DRC8: variants seen among roughly 807,000 people sequenced by gnomAD.
DRC8 encodes dynein regulatory complex protein 8.
At chr1:244,998,365 C>T in the DRC8 span, among the ~76,000 whole-genome samples, 1 of 152,100 alleles carries the variant, frequency 6.6e-6, no homozygotes, top group African/African-American at 2.4e-5. Context: ...TGCACCACTG[C>T]ATTTGGCTAA....
chr1:245,056,015 T>C, the DRC8 span, among the ~76,000 whole-genome samples: 1 of 152,218 alleles, frequency 6.6e-6, no homozygotes, highest in Non-Finnish European at 1.5e-5. Context: ...GCCGTCCTCC[T>C]GCCCCAGCCT....
the DRC8 span, chr1:245,087,707 T>A: frequency 2.0e-6 from 2 of 1,017,788 alleles, no homozygotes; most frequent in Non-Finnish European, 2.3e-6. Flanking sequence ...CATGTAAAGA[T>A]CTTAAGAGGG....
chr1:244,997,807 A>G, the DRC8 span, among the ~76,000 whole-genome samples: 1 of 151,998 alleles, frequency 6.6e-6, no homozygotes, highest in East Asian at 1.9e-4. Context: ...GGCCTCCCAA[A>G]GTGCTGGGGT....
At chr1:244,985,359 T>C in the DRC8 span, among the ~76,000 whole-genome samples, 1 of 152,228 alleles carries the variant, frequency 6.6e-6, no homozygotes, top group South Asian at 2.1e-4. Context: ...GGTGTTCTAA[T>C]TTCTTCACAT....
the DRC8 span, among the ~76,000 whole-genome samples, chr1:245,102,900 ATGAGAGGTGG>A: frequency 0.045 from 6,777 of 151,194 alleles, 24 homozygotes; most frequent in Middle Eastern, 0.062. Flanking sequence ...GCTGACGAGG[ATGAGAGGTGG>A]TCCTCTATGG....
the DRC8 span, chr1:245,017,274 A>T: frequency 1.9e-6 from 3 of 1,610,354 alleles, no homozygotes; most frequent in Non-Finnish European, 2.5e-6. Context: ...CAAAAAAATC[A>T]AAGAGGCATT....
the DRC8 span, among the ~76,000 whole-genome samples, chr1:245,018,103 T>G: frequency 6.6e-6 from 1 of 151,864 alleles, no homozygotes; most frequent in Non-Finnish European, 1.5e-5. Flanking sequence ...GGCAGGCACC[T>G]GTAATCCCAG....
chr1:244,976,848 A>G, the DRC8 span, among the ~76,000 whole-genome samples: 1 of 152,254 alleles, frequency 6.6e-6, no homozygotes, highest in Admixed American at 6.5e-5. Context: ...AACCATGTTC[A>G]TAGCACATTG....
chr1:245,071,881 C>A, the DRC8 span, among the ~76,000 whole-genome samples: 1 of 152,192 alleles, frequency 6.6e-6, no homozygotes, highest in Admixed American at 6.5e-5. Context: ...GCAGTCATTA[C>A]AAGTATGTCG....
At chr1:245,016,809 A>G in the DRC8 span, among the ~76,000 whole-genome samples, 3 of 152,188 alleles carry the variant, frequency 2.0e-5, no homozygotes, top group African/African-American at 7.2e-5. Context: ...GCAAAGAATA[A>G]GGCAAGGTAG....
the DRC8 span, among the ~76,000 whole-genome samples, chr1:245,041,752 A>G: frequency 1.1e-4 from 16 of 152,290 alleles, no homozygotes; most frequent in East Asian, 2.1e-3. Context: ...CCCTAATCCA[A>G]TCTGACTTGT....
chr1:244,983,366 A>G, the DRC8 span, among the ~76,000 whole-genome samples: 16 of 152,280 alleles, frequency 1.1e-4, no homozygotes, highest in East Asian at 2.7e-3. Flanking sequence ...TTTTCATGTC[A>G]CAAGTATTTC....
the DRC8 span, among the ~76,000 whole-genome samples, chr1:245,081,514 A>G: frequency 2.1e-5 from 3 of 145,536 alleles, no homozygotes; most frequent in Non-Finnish European, 3.0e-5. Flanking sequence ...TGTTGCCCAT[A>G]CTGGAGTACA....
At chr1:245,101,402 G>T in the DRC8 span, among the ~76,000 whole-genome samples, 1 of 152,162 alleles carries the variant, frequency 6.6e-6, no homozygotes, top group Non-Finnish European at 1.5e-5. Context: ...AGCAAATTCA[G>T]GTTTGATTTG....
the DRC8 span, among the ~76,000 whole-genome samples, chr1:245,118,795 A>AAAAAGAAAAGAAAAGAAAAAAG: frequency 7.2e-6 from 1 of 138,484 alleles, no homozygotes; most frequent in Admixed American, 7.9e-5. Flanking sequence ...GCCATCTCAA[A>AAAAAGAAAAGAAAAGAAAAAAG]AAAAGAAAAG....
At chr1:245,008,329 G>A in the DRC8 span, among the ~76,000 whole-genome samples, 22 of 152,030 alleles carry the variant, frequency 1.4e-4, 1 homozygote, top group Non-Finnish European at 3.1e-4. Context: ...ATTTCATTAT[G>A]TAAAAAAATT....
chr1:245,074,948 T>A, the DRC8 span, among the ~76,000 whole-genome samples: 1 of 152,154 alleles, frequency 6.6e-6, no homozygotes, highest in Non-Finnish European at 1.5e-5. Context: ...CAAACAGTTT[T>A]TAAACATTCA....
chr1:244,992,159 C>G, the DRC8 span, among the ~76,000 whole-genome samples: 8 of 152,180 alleles, frequency 5.3e-5, no homozygotes, highest in Non-Finnish European at 1.2e-4. Context: ...TTTGAAAAAG[C>G]TGTTTACAGT....
chr1:245,046,654 T>C, the DRC8 span, among the ~76,000 whole-genome samples: 141,479 of 152,224 alleles, frequency 0.93, 66,441 homozygotes, highest in Non-Finnish European at 1. Context: ...AGAGAAGCTC[T>C]GAGTCGTTTT....
Sources: allele counts gnomAD v4.1 joint callset (sites outside exome capture counted in the v4.1 genomes callset), GRCh38; gene constraint gnomAD v4.1.1; transcripts MANE v1.5; gene names NCBI Gene and HGNC (gene_info 2026-07-23, HGNC 2026-07-21).